The following WDFY3 variants were observed in gnomAD, a reference collection of about 807,000 sequenced individuals.
WDFY3 encodes the protein WD repeat and FYVE domain containing 3.
WDFY3 carries 66 observed loss-of-function variants against 409.6 expected under a neutral mutation model. That is an observed-to-expected ratio of 0.16 (90% confidence interval 0.13 to 0.20). The LOEUF is 0.20. WDFY3 is among the 10% of genes least tolerant of loss of function. The probability of loss-of-function intolerance (pLI) is 1.00; values close to 1 mark genes in which losing one functional copy is unlikely to be tolerated. For synonymous variants in WDFY3, 1,521 were observed against 1,537.1 expected (o/e 0.99, Z 0.25); for missense variants, 3,031 against 4,298.1 (o/e 0.71, Z 8.24).
chr4:84,903,182 T>G (rs985269341), intron 2 of WDFY3, among the ~76,000 whole-genome samples: 2 of 152,206 alleles, frequency 1.3e-5, no homozygotes, highest in African/African-American at 4.8e-5. Flanking sequence ...GTGGAATAAA[T>G]GTTTTCCCTT....
chr4:84,670,248 C>G lies in WDFY3; in HGVS notation c.*2620G>C, dbSNP rs148645646. 149 of 152,702 alleles carry G rather than the reference C, an allele frequency of 9.8e-4. 1 individual carries two copies. The highest frequency in any genetic ancestry group is 3.5e-3 in the African/African-American group (145 of 41,560). The allele number at this position is 152,702 out of a possible 1,614,324, so 9.5% of individuals were successfully genotyped here. ...GGATGAATGAACAAACTACAAAGAT[C>G]AGGCAGGAGCCCTATGAGGTACTCT... On this transcript the variant is annotated 3_prime_UTR_variant, in exon 68 of 68. Transcript: ENST00000295888.
intron 3 of WDFY3, among the ~76,000 whole-genome samples, chr4:84,868,789 G>A (rs1160754499): frequency 1.3e-5 from 2 of 152,112 alleles, no homozygotes; most frequent in African/African-American, 2.4e-5. Context: ...ACCACTAATA[G>A]AAGCCCTAAA....
intron 2 of WDFY3, among the ~76,000 whole-genome samples, chr4:84,921,483 T>G (rs556911023): frequency 2.2e-4 from 33 of 151,972 alleles, no homozygotes; most frequent in Admixed American, 5.2e-4. Flanking sequence ...CCTCTCTCAA[T>G]TATTCCTAAT....
intron 32 of WDFY3, among the ~76,000 whole-genome samples, chr4:84,760,176 C>A (rs953910619): frequency 5.9e-5 from 9 of 151,930 alleles, no homozygotes; most frequent in Non-Finnish European, 1.3e-4. Context: ...GGTGGATAAG[C>A]TTTTTGATGT....
chr4:84,827,728 A>G (rs1235688837), intron 9 of WDFY3, among the ~76,000 whole-genome samples: 2 of 152,166 alleles, frequency 1.3e-5, no homozygotes, highest in African/African-American at 4.8e-5. Context: ...ATCAACTTTC[A>G]TATGTATTTA....
intron 51 of WDFY3, among the ~76,000 whole-genome samples, chr4:84,712,813 TTA>T (rs766399369): frequency 2.6e-4 from 40 of 152,218 alleles, no homozygotes; most frequent in Non-Finnish European, 5.1e-4. Context: ...CGAATAATAG[TTA>T]TGTTTCTGAA....
chr4:84,826,744 T>C (rs1754923382), intron 10 of WDFY3, 71 bp downstream of exon 10: 1 of 1,457,664 alleles, frequency 6.9e-7, no homozygotes, highest in East Asian at 2.5e-5. Flanking sequence ...AAAAGTAATA[T>C]ACCAAAATAA....
intron 23 of WDFY3, 60 bp downstream of exon 23, chr4:84,787,422 C>T: frequency 1.3e-6 from 2 of 1,482,530 alleles, no homozygotes; most frequent in South Asian, 1.2e-5. Context: ...CACACACATG[C>T]ATCTATATTG....
At position 84,780,154 on chromosome 4, in the gene WDFY3, C is replaced by T; in HGVS notation, c.4319G>A (p.Ser1440Asn). The T allele has an allele frequency of 4.3e-6, 7 of 1,612,924 alleles. No individual in the cohort carries two copies. The highest frequency in any genetic ancestry group is 5.9e-6 in the Non-Finnish European group (7 of 1,179,442). The change falls in exon 26 of 68, where the codon AGT becomes AAT. Residue 1440 changes from serine to asparagine, a missense_variant. Physicochemically the swap from Ser to Asn is conservative, Grantham distance 46 (BLOSUM62 1). Coordinates refer to ENST00000295888, the MANE Select transcript of WDFY3 (RefSeq NM_014991.6). The stretch of plus-strand genomic sequence containing the variant: ...CATTTCTTTGCTGGCTAGTGGGTTA[C>T]TCTTGACCACACAAACCAGGGCCTT... Reference protein sequence around the residue: ...AVKALVCVVKSNPLASKEMER... With the variant: ...AVKALVCVVKNNPLASKEMER...
At chr4:84,688,298 T>C in intron 61 of WDFY3, 33 bp from the exon 62 acceptor site, 1 of 1,597,050 alleles carries the variant, frequency 6.3e-7, no homozygotes, top group Non-Finnish European at 8.5e-7. Flanking sequence ...AAAATCAGGT[T>C]GATCTCAGTG....
chr4:84,819,939 G>A, intron 12 of WDFY3, 146 bp downstream of exon 12: 1 of 622,086 alleles, frequency 1.6e-6, no homozygotes, highest in Non-Finnish European at 2.6e-6. Flanking sequence ...CAAAAGCACT[G>A]CATTTTTAGG....
intron 11 of WDFY3, among the ~76,000 whole-genome samples, chr4:84,820,826 T>C (rs1390821188): frequency 1.3e-5 from 2 of 152,120 alleles, no homozygotes; most frequent in South Asian, 2.1e-4. Context: ...ATGTGGATCA[T>C]ACATGTTTTC....
At chr4:84,889,747 T>C (rs1478292958) in intron 3 of WDFY3, among the ~76,000 whole-genome samples, 3 of 152,142 alleles carry the variant, frequency 2.0e-5, no homozygotes, top group African/African-American at 7.2e-5. Context: ...CTTTATAATG[T>C]TGTAAGAAAA....
At chr4:84,795,491 G>C (rs1749243683) in intron 19 of WDFY3, among the ~76,000 whole-genome samples, 1 of 152,234 alleles carries the variant, frequency 6.6e-6, no homozygotes, top group Admixed American at 6.5e-5. Flanking sequence ...CCTGGGCACA[G>C]TGGCTCACGC....
Position 84,696,148 on chromosome 4 carries a change from T to C in WDFY3, c.8723A>G (p.His2908Arg), listed in dbSNP as rs1160964650. ...LECDYVSAHL[H>R]EWIDLIFGYK... ...ACCGAAGATTAAGTCAATCCACTCA[T>C]GTAGATGGGCACTCACGTAATCACA... Residue 2908 changes from histidine (H) to arginine (R), a missense_variant, in exon 58 of 68, where the codon CAT becomes CGT. Physicochemically the swap from His to Arg is conservative, Grantham distance 29. Around this residue, in one of 16 missense-constraint regions of WDFY3, gnomAD observed 129 missense variants for 305.3 expected, o/e 0.42. Transcript: ENST00000295888. The C allele has an allele frequency of 6.2e-7, 1 of 1,614,132 alleles. No individual in the cohort carries two copies. Among genetic ancestry groups the C allele is most frequent in the Non-Finnish European group, 8.5e-7 (1 of 1,180,014 alleles).
intron 2 of WDFY3, among the ~76,000 whole-genome samples, chr4:84,910,320 T>C (rs968655456): frequency 1.3e-5 from 2 of 152,114 alleles, no homozygotes. Context: ...CCCCCACAGA[T>C]ACAAGGGATG....
At chr4:84,675,233 G>A (rs1183957407) in intron 67 of WDFY3, among the ~76,000 whole-genome samples, 1 of 152,088 alleles carries the variant, frequency 6.6e-6, no homozygotes, top group Non-Finnish European at 1.5e-5. Context: ...TGGCATTACA[G>A]GCATGAGCCA....
intron 1 of WDFY3, among the ~76,000 whole-genome samples, chr4:84,948,134 T>A (rs1272618583): frequency 6.6e-6 from 1 of 152,218 alleles, no homozygotes; most frequent in African/African-American, 2.4e-5. Context: ...CAATTTATCA[T>A]AATCATGCAT....
At chr4:84,749,263 T>G (rs1321368975) in intron 36 of WDFY3, among the ~76,000 whole-genome samples, 1 of 152,204 alleles carries the variant, frequency 6.6e-6, no homozygotes, top group Non-Finnish European at 1.5e-5. Context: ...GTTTATAATT[T>G]ATTCTGTTAC....
Sources: gnomAD v4.1 joint callset for allele counts (sites outside exome capture counted in the v4.1 genomes callset) on GRCh38, gnomAD v4.1.1 for gene constraint, gnomAD v4.1.1 regional missense constraint, MANE v1.5 for transcripts, NCBI Gene and HGNC (gene_info 2026-07-23, HGNC 2026-07-21) for gene names.